ADGRL3: variants seen among roughly 807,000 people sequenced by gnomAD.
The protein encoded by ADGRL3 is adhesion G protein-coupled receptor L3, also known as calcium-independent alpha-latrotoxin receptor 3.
In ADGRL3, 62 loss-of-function variants were observed where a neutral mutation model predicts 153.5. That is an observed-to-expected ratio of 0.40 (90% CI 0.33 to 0.50). The LOEUF (loss-of-function observed/expected upper bound fraction) is 0.50, where lower values mean the gene tolerates loss of function less well. Among genes scored for constraint, ADGRL3 ranks in the 20% least tolerant of loss-of-function variants. The pLI, the probability that ADGRL3 is intolerant of heterozygous loss-of-function variation, is 0.47. For synonymous variants in ADGRL3, 710 were observed against 672.5 expected (o/e 1.06, Z -0.86); for missense variants, 1,641 against 1,859.4 (o/e 0.88, Z 2.16).
intron 21 of ADGRL3, among the ~76,000 whole-genome samples, chr4:62,011,725 A>G (rs1406547756): frequency 6.6e-6 from 1 of 152,130 alleles, no homozygotes; most frequent in Admixed American, 6.5e-5. Flanking sequence ...TACGGTTTTC[A>G]GAAAAATGAA....
At chr4:61,549,940 C>T (rs533422649) in intron 4 of ADGRL3, among the ~76,000 whole-genome samples, 9 of 152,020 alleles carry the variant, frequency 5.9e-5, no homozygotes, top group African/African-American at 2.2e-4. Flanking sequence ...ATTTATGTGG[C>T]TCTTTCCTCT....
rs973873979 is a variant in ADGRL3, at chr4:61,615,791, GTA to G, written c.473+28361_473+28362del. Among the ~76,000 whole-genome samples, 15 of 151,898 alleles carry G rather than the reference GTA, an allele frequency of 9.9e-5. 1 individual carries two copies. The highest frequency in any genetic ancestry group is 3.4e-4 in the African/African-American group (14 of 41,426). On this transcript the variant is annotated intron_variant, in intron 5 of 26. Transcript: ENST00000683033. Reference sequence around the variant, plus strand: ...TGACTATATGTGTATGTATTTATATGTATATATATATGGTACTAAAAATTTCA... The same window carrying G: ...TGACTATATGTGTATGTATTTATATGTATATATATGGTACTAAAAATTTCA...
chr4:61,356,686 T>A (rs1366905039), intron 1 of ADGRL3, among the ~76,000 whole-genome samples: 1 of 152,040 alleles, frequency 6.6e-6, no homozygotes, highest in African/African-American at 2.4e-5. Context: ...TTGATTTAAA[T>A]TAAAAACAAA....
At chr4:61,506,188 T>A (rs11131328) in intron 3 of ADGRL3, among the ~76,000 whole-genome samples, 80,191 of 151,790 alleles carry the variant, frequency 0.53, 21,646 homozygotes, top group Middle Eastern at 0.7. Context: ...TTTGTTATAG[T>A]ATGAGGATTA....
intron 2 of ADGRL3, among the ~76,000 whole-genome samples, chr4:61,423,006 G>T (rs2097225696): frequency 6.6e-6 from 1 of 152,108 alleles, no homozygotes; most frequent in Admixed American, 6.6e-5. Flanking sequence ...GAATTATAAA[G>T]AGGTGGAGCT....
intron 1 of ADGRL3, among the ~76,000 whole-genome samples, chr4:61,212,638 T>C (rs919368024): frequency 1.3e-5 from 2 of 152,178 alleles, no homozygotes; most frequent in African/African-American, 4.8e-5. Flanking sequence ...ACTTTTCATG[T>C]ATTCAAAAAA....
intron 1 of ADGRL3, among the ~76,000 whole-genome samples, chr4:61,300,165 T>C (rs2094534823): frequency 6.6e-6 from 1 of 152,214 alleles, no homozygotes; most frequent in African/African-American, 2.4e-5. Flanking sequence ...CAGTATCTTA[T>C]CTCCAAGTAA....
At chr4:61,243,917 T>C (rs1348324856) in intron 1 of ADGRL3, among the ~76,000 whole-genome samples, 2 of 152,216 alleles carry the variant, frequency 1.3e-5, no homozygotes, top group African/African-American at 4.8e-5. Flanking sequence ...CAATTTTACT[T>C]TACTACTAAA....
At chr4:61,971,809 C>T (rs1479587528) in intron 17 of ADGRL3, among the ~76,000 whole-genome samples, 3 of 152,158 alleles carry the variant, frequency 2.0e-5, no homozygotes, top group Admixed American at 6.5e-5. Context: ...CACATCCTCT[C>T]CAGCACCTGT....
In ADGRL3 at chr4:62,071,740, C is replaced by A. The variant is rs1745725507; in HGVS notation, c.*832C>A. ...TTCCTTTCTTCTCTTTCTTCATTTT[C>A]TTTTTTTCTTTTTTGCCTTTTATTC... On this transcript the variant is annotated 3_prime_UTR_variant, in exon 27 of 27. Transcript: ENST00000683033. The A allele has an allele frequency of 7.3e-6, 3 of 412,172 alleles. No homozygotes were observed. Among genetic ancestry groups the A allele is most frequent in the East Asian group, 8.0e-5 (1 of 12,548 alleles). 25.5% of individuals were successfully genotyped at this position (412,172 alleles called of 1,614,324 possible). A position where few individuals can be genotyped will look rare whatever the true frequency, so the allele number is the denominator to read the frequency against.
chr4:62,042,608 C>T (rs1728978039), intron 24 of ADGRL3, among the ~76,000 whole-genome samples: 1 of 151,758 alleles, frequency 6.6e-6, no homozygotes, highest in Non-Finnish European at 1.5e-5. Context: ...ATAATGGGGA[C>T]AGCTCATATA....
chr4:61,397,697 A>C (rs4860412), intron 2 of ADGRL3, among the ~76,000 whole-genome samples: 141,888 of 151,794 alleles, frequency 0.93, 67,057 homozygotes, highest in East Asian at 1. Context: ...ATTTGAGAAC[A>C]CATAGTATTA....
chr4:61,584,592 T>G (rs1413951821), intron 4 of ADGRL3, among the ~76,000 whole-genome samples: 1 of 152,026 alleles, frequency 6.6e-6, no homozygotes, highest in Non-Finnish European at 1.5e-5. Flanking sequence ...TTTAAAAAAC[T>G]TAATTGACTG....
chr4:61,950,011 A>T (rs545501790), intron 17 of ADGRL3, among the ~76,000 whole-genome samples: 24 of 152,328 alleles, frequency 1.6e-4, no homozygotes, highest in Admixed American at 1.4e-3. Flanking sequence ...TTTTGCAAAG[A>T]TCGAACATTC....
At chr4:61,710,571 A>C in intron 6 of ADGRL3, among the ~76,000 whole-genome samples, 1 of 152,232 alleles carries the variant, frequency 6.6e-6, no homozygotes, top group South Asian at 2.1e-4. Context: ...TTGGATTTTT[A>C]AATGAATTAT....
At chr4:61,963,948 C>G (rs2098997335) in intron 17 of ADGRL3, among the ~76,000 whole-genome samples, 1 of 152,052 alleles carries the variant, frequency 6.6e-6, no homozygotes, top group Admixed American at 6.5e-5. Context: ...TCAGAAGGGC[C>G]CAGAGTGTCT....
chr4:61,885,806 A>G (rs988338722), intron 9 of ADGRL3, among the ~76,000 whole-genome samples: 1 of 152,172 alleles, frequency 6.6e-6, no homozygotes, highest in Non-Finnish European at 1.5e-5. Flanking sequence ...AATTTAACCT[A>G]TTTCATCTCT....
chr4:62,018,047 A>G (rs1308387681), intron 21 of ADGRL3, among the ~76,000 whole-genome samples: 1 of 152,118 alleles, frequency 6.6e-6, no homozygotes, highest in Non-Finnish European at 1.5e-5. Context: ...GAGAGATTCA[A>G]AAGAATATAG....
rs1746565104 is a variant in ADGRL3 at position 62,074,535 on chromosome 4, T to C, written c.*3627T>C. The C allele has an allele frequency of 6.6e-6, 1 of 152,180 alleles. No homozygotes were observed. 9.4% of individuals were successfully genotyped at this position (152,180 alleles called of 1,614,324 possible). A position where few individuals can be genotyped will look rare whatever the true frequency, so the allele number is the denominator to read the frequency against. ...ATTAAATTTTATGGGCGTCCCTTCT[T>C]GTTTCCACTATATTATAATTAAACA... On this transcript the variant is annotated 3_prime_UTR_variant, in exon 27 of 27. Coordinates refer to ENST00000683033, the MANE Select transcript of ADGRL3 (RefSeq NM_001387552.1).
Sources: allele counts gnomAD v4.1 joint callset (sites outside exome capture counted in the v4.1 genomes callset), GRCh38; gene constraint gnomAD v4.1.1; transcripts MANE v1.5; gene names NCBI Gene and HGNC (gene_info 2026-07-23, HGNC 2026-07-21).